RICTOR: variants seen among roughly 807,000 people sequenced by gnomAD.
The protein encoded by RICTOR is rapamycin-insensitive companion of mTOR.
In RICTOR, 49 loss-of-function variants were observed where a neutral mutation model predicts 214.9. The observed-to-expected ratio is 0.23, with a 90% CI of 0.18 to 0.29. The LOEUF is 0.29. Among genes scored for constraint, RICTOR ranks in the 10% least tolerant of loss-of-function variants. The probability of loss-of-function intolerance (pLI) is 1.00; values close to 1 mark genes in which losing one functional copy is unlikely to be tolerated. For missense variants in RICTOR, 1,625 were observed against 2,047.0 expected, an observed-to-expected ratio of 0.79 and a Z score of 3.98; for synonymous variants, 717 against 711.3, an observed-to-expected ratio of 1.01 and a Z score of -0.13.
At chr5:38,942,632 A>C (rs1233537955) in intron 37 of RICTOR, among the ~76,000 whole-genome samples, 3 of 151,434 alleles carry the variant, frequency 2.0e-5, no homozygotes, top group Non-Finnish European at 4.4e-5. Context: ...AAAAAAAAAA[A>C]AACTGTGTTG....
In RICTOR at chr5:39,074,336, T is replaced by G. The variant is rs1383154887; in HGVS notation, c.42A>C (p.Arg14=). ...GGGTTGCAGCGGGCTTACCTCGTACTCGGAGGTTCTTCAGAGAGCGGCCGC... is the reference window on the plus strand; with the variant it reads ...GGGTTGCAGCGGGCTTACCTCGTACGCGGAGGTTCTTCAGAGAGCGGCCGC... ...IGRGRSLKNL[R]VRGRNDSGEE... The change falls in exon 1 of 38, where the codon CGA becomes CGC. Residue 14 remains arginine, a synonymous_variant. Transcript: ENST00000357387. 11 of 1,541,314 alleles carry G rather than the reference T, an allele frequency of 7.1e-6. No individual in the cohort carries two copies. Among genetic ancestry groups the G allele is most frequent in the Admixed American group, 2.0e-5 (1 of 49,766 alleles).
At chr5:38,976,686 C>A (rs953719543) in intron 9 of RICTOR, among the ~76,000 whole-genome samples, 7 of 152,128 alleles carry the variant, frequency 4.6e-5, no homozygotes, top group African/African-American at 1.7e-4. Context: ...AAAAATCAGT[C>A]ATTTCCCTGT....
At chr5:39,032,982 A>T (rs1756379600) in intron 2 of RICTOR, among the ~76,000 whole-genome samples, 1 of 152,194 alleles carries the variant, frequency 6.6e-6, no homozygotes, top group South Asian at 2.1e-4. Flanking sequence ...CTCATGATAC[A>T]TTCTTCATAC....
chr5:38,985,062 C>T (rs537193440), intron 7 of RICTOR, among the ~76,000 whole-genome samples: 5 of 152,296 alleles, frequency 3.3e-5, no homozygotes, highest in Admixed American at 6.5e-5. Flanking sequence ...CCACCCGCCT[C>T]GGCCTCCCAA....
rs1490790130 is a variant in RICTOR, at chr5:38,949,978, T to C, written c.3870A>G (p.Pro1290=). Residue 1290 remains proline, a synonymous_variant, in exon 31 of 38, where the codon CCA becomes CCG. Transcript: ENST00000357387. The part of the protein sequence containing the change: ...SKSNSVSLVP[P]GSSHTLPRRA... ...TTCTAGGAAGCGTATGAGAAGAACCTGGAGGCACCAGGGACACCGAATTTG... is the reference window on the plus strand; with the variant it reads ...TTCTAGGAAGCGTATGAGAAGAACCCGGAGGCACCAGGGACACCGAATTTG... 2 of 1,613,538 alleles carry C rather than the reference T, an allele frequency of 1.2e-6. No homozygotes were observed. The highest frequency in any genetic ancestry group is 3.3e-5 in the Admixed American group (2 of 59,940).
At chr5:39,028,200 T>TC (rs1755991752) in intron 2 of RICTOR, among the ~76,000 whole-genome samples, 1 of 141,640 alleles carries the variant, frequency 7.1e-6, no homozygotes, top group Admixed American at 7.0e-5. Context: ...TTTTTTTTTT[T>TC]GAGACGGAGT....
In RICTOR at chr5:39,013,692, G is replaced by A. The variant is rs116334019; in HGVS notation, c.195+7347C>T. Reference sequence around the variant, plus strand: ...ATTCCATGGCACAGTCTTTTACATGGCAATTTAGACACAAACACACACACA... The same window carrying A: ...ATTCCATGGCACAGTCTTTTACATGACAATTTAGACACAAACACACACACA... On this transcript the variant is annotated intron_variant, in intron 3 of 37. Coordinates refer to ENST00000357387, the MANE Select transcript of RICTOR (RefSeq NM_152756.5). Among the ~76,000 whole-genome samples the A allele has an allele frequency of 5.4e-3, 819 of 151,930 alleles. 9 individuals are homozygous for A. Among genetic ancestry groups the A allele is most frequent in the African/African-American group, 0.019 (778 of 41,478 alleles).
chr5:38,953,230 A>G (rs1748947456), intron 28 of RICTOR, 139 bp from the exon 29 acceptor site: 1 of 625,548 alleles, frequency 1.6e-6, no homozygotes, highest in Non-Finnish European at 2.8e-6. Flanking sequence ...AACATTAGGC[A>G]TGAATTAATT....
At chr5:39,053,399 G>C (rs551994859) in intron 2 of RICTOR, among the ~76,000 whole-genome samples, 2 of 152,176 alleles carry the variant, frequency 1.3e-5, no homozygotes, top group East Asian at 3.9e-4. Flanking sequence ...TCACTCAGAG[G>C]AAAAGAGTCT....
intron 19 of RICTOR, among the ~76,000 whole-genome samples, chr5:38,961,439 G>A (rs1749787877): frequency 6.6e-6 from 1 of 151,990 alleles, no homozygotes; most frequent in African/African-American, 2.4e-5. Flanking sequence ...TTGCAATTTA[G>A]GCCAATGAAT....
At chr5:38,972,754 T>G (rs1330818359) in intron 10 of RICTOR, among the ~76,000 whole-genome samples, 2 of 151,790 alleles carry the variant, frequency 1.3e-5, no homozygotes, top group African/African-American at 4.8e-5. Flanking sequence ...TCCATTTAGG[T>G]ATTTACGCAA....
chr5:39,070,330 G>A (rs896203955), intron 2 of RICTOR, among the ~76,000 whole-genome samples: 2 of 151,964 alleles, frequency 1.3e-5, no homozygotes, highest in African/African-American at 2.4e-5. Context: ...TTAGCCGGGC[G>A]CGGTGGCGGG....
At position 39,047,432 on chromosome 5, in the gene RICTOR, C is replaced by T. The variant is rs1179864067; in HGVS notation, c.98-26296G>A. 2.6e-5 allele frequency among the ~76,000 whole-genome samples: 4 copies of T among 152,138 alleles called. No homozygotes were observed. In the East Asian group the frequency reaches 7.7e-4, roughly 29 times the overall value. On this transcript the variant is annotated intron_variant, in intron 2 of 37. Transcript: ENST00000357387. The stretch of plus-strand genomic sequence containing the variant: ...GAGCAGGTGGTAATGTATGCTTGCC[C>T]GCTGCTCACCTCCTGCTGTGTGGCC...
intron 2 of RICTOR, among the ~76,000 whole-genome samples, chr5:39,053,431 A>T (rs1668056028): frequency 6.6e-6 from 1 of 152,174 alleles, no homozygotes; most frequent in Non-Finnish European, 1.5e-5. Context: ...AGCAATTTCT[A>T]CCACAACGGC....
At chr5:39,026,396 T>C (rs1755825262) in intron 2 of RICTOR, among the ~76,000 whole-genome samples, 1 of 152,048 alleles carries the variant, frequency 6.6e-6, no homozygotes, top group African/African-American at 2.4e-5. Flanking sequence ...GTGGGTAGCC[T>C]GCTATGATAG....
intron 7 of RICTOR, among the ~76,000 whole-genome samples, chr5:38,986,883 T>C (rs1056869074): frequency 6.6e-6 from 1 of 152,216 alleles, no homozygotes; most frequent in African/African-American, 2.4e-5. Flanking sequence ...CTTATTATTT[T>C]GAAATACGTT....
At chr5:39,002,495 C>T (rs1753722826) in intron 5 of RICTOR, 40 bp downstream of exon 5, 1 of 1,484,962 alleles carries the variant, frequency 6.7e-7, no homozygotes, top group South Asian at 1.2e-5. Context: ...AAACTCAACA[C>T]AAAATTTCAA....
At chr5:39,067,253 G>C (rs528584571) in intron 2 of RICTOR, among the ~76,000 whole-genome samples, 2 of 152,178 alleles carry the variant, frequency 1.3e-5, no homozygotes, top group Non-Finnish European at 2.9e-5. Flanking sequence ...GGTGAAGCAG[G>C]AGTAGGCATC....
At chr5:39,023,988 C>G (rs559224261) in intron 2 of RICTOR, among the ~76,000 whole-genome samples, 109 of 152,300 alleles carry the variant, frequency 7.2e-4, no homozygotes, top group African/African-American at 2.5e-3. Context: ...GGGACAGGTT[C>G]TGTGGAAAAC....
Sources: gnomAD v4.1 joint callset for allele counts (sites outside exome capture counted in the v4.1 genomes callset) on GRCh38, gnomAD v4.1.1 for gene constraint, MANE v1.5 for transcripts, NCBI Gene and HGNC (gene_info 2026-07-23, HGNC 2026-07-21) for gene names.